Variants in PTH1R observed in about 807,000 individuals in gnomAD.
The protein encoded by PTH1R is parathyroid hormone/parathyroid hormone-related peptide receptor.
PTH1R carries 32 observed loss-of-function variants against 70.7 expected under a neutral mutation model. That is an observed-to-expected ratio of 0.45 (90% CI 0.34 to 0.61). The LOEUF (loss-of-function observed/expected upper bound fraction) is 0.61, where lower values mean the gene tolerates loss of function less well. PTH1R is among the 20% of genes least tolerant of loss of function. The pLI is 0.01. For missense variants in PTH1R, 626 were observed against 792.5 expected, an observed-to-expected ratio of 0.79 and a Z score of 2.52; for synonymous variants, 329 against 324.8, an observed-to-expected ratio of 1.01 and a Z score of -0.14.
chr3:46,902,983 C>T lies in PTH1R; in HGVS notation c.1395+193C>T. The T allele has an allele frequency of 1.0e-6, 1 of 972,930 alleles. No individual in the cohort carries two copies. The highest frequency in any genetic ancestry group is 1.6e-6 in the Non-Finnish European group (1 of 630,666). 60.3% of individuals were successfully genotyped at this position (972,930 alleles called of 1,614,324 possible). On this transcript the variant is annotated intron_variant, in intron 15 of 15. Coordinates refer to ENST00000449590, the MANE Select transcript of PTH1R (RefSeq NM_000316.3). The surrounding 1 kb of genome is among the most constrained non-coding windows in gnomAD (Gnocchi z 5.4). ...GATGTGCTAGGATGTGGGGACTCTT[C>T]AGTCACTGGCATAGCCAAGTGTCTT...
rs979968915 is a variant in PTH1R at position 46,882,854 on chromosome 3, G to A, written c.-48-658G>A. Among the ~76,000 whole-genome samples, 2 of 152,074 alleles carry A rather than the reference G, an allele frequency of 1.3e-5. No homozygotes were observed. Among genetic ancestry groups the A allele is most frequent in the South Asian group, 4.1e-4 (2 of 4,824 alleles). ...GGCCAAGGATGGGGAAGGGGTGCGG[G>A]AGGCGGCTGCCGAGGGTCTGGGATC... On this transcript the variant is annotated intron_variant, in intron 2 of 15. Transcript: ENST00000449590. This position sits in a 1 kb window ranked among gnomAD's most constrained non-coding sequence, Gnocchi z 4.3.
At chr3:46,890,455 A>T (rs2031342110) in intron 3 of PTH1R, among the ~76,000 whole-genome samples, 2 of 149,738 alleles carry the variant, frequency 1.3e-5, no homozygotes, top group Admixed American at 1.3e-4. Flanking sequence ...TCACCCCTGC[A>T]CAGGCTTGTT....
chr3:46,903,100 G>T lies in PTH1R; in HGVS notation c.1396-170G>T. The T allele has an allele frequency of 7.7e-7, 1 of 1,303,100 alleles. No individual in the cohort carries two copies. The highest frequency in any genetic ancestry group is 1.1e-6 in the Non-Finnish European group (1 of 936,116). The allele number at this position is 1,303,100 out of a possible 1,614,324, so 80.7% of individuals were successfully genotyped here. On this transcript the variant is annotated intron_variant, in intron 15 of 15. Transcript: ENST00000449590. This position sits in a 1 kb window ranked among gnomAD's most constrained non-coding sequence, Gnocchi z 4.4. ...AGCCTTGTAGATTCTGGGTGTGTCG[G>T]CTGCCTGTAGCCAAACACCCTGTTG...
chr3:46,902,548 G>C lies in PTH1R; in HGVS notation c.1234G>C (p.Val412Leu). The change falls in exon 14 of 16, where the codon GTG becomes CTG. Residue 412 changes from valine (V) to leucine (L), a missense_variant. By Grantham distance (32) the Val-to-Leu change is conservative. This residue lies in a region of PTH1R where 495 missense variants were observed against 638.7 expected (regional missense o/e 0.77). Coordinates refer to ENST00000449590, the MANE Select transcript of PTH1R (RefSeq NM_000316.3). The surrounding 1 kb of genome is among the most constrained non-coding windows in gnomAD (Gnocchi z 5.4). ...QYRKLLKSTL[V>L]LMPLFGVHYI... ...CAGGAAGCTGCTCAAATCCACGCTG[G>C]TGCTCATGCCCCTCTTTGGCGTCCA... The C allele has an allele frequency of 6.2e-7, 1 of 1,612,570 alleles. No homozygotes were observed. Among genetic ancestry groups the C allele is most frequent in the South Asian group, 1.1e-5 (1 of 90,910 alleles).
At position 46,902,384 on chromosome 3, in the gene PTH1R, G is replaced by A; in HGVS notation, c.1212-142G>A. On this transcript the variant is annotated intron_variant, in intron 13 of 15. Transcript: ENST00000449590. The surrounding 1 kb of genome is among the most constrained non-coding windows in gnomAD (Gnocchi z 5.4). ...TAGCCAGGACAGCAGCCATGCAGGT[G>A]AACTGGGTTGTCCTCCCATGGTGAC... 1 of 1,144,342 alleles carries A rather than the reference G, an allele frequency of 8.7e-7. No homozygotes were observed. The highest frequency in any genetic ancestry group is 1.3e-6 in the Non-Finnish European group (1 of 786,178). 70.9% of individuals were successfully genotyped at this position (1,144,342 alleles called of 1,614,324 possible).
intron 3 of PTH1R, among the ~76,000 whole-genome samples, chr3:46,888,256 A>T (rs1481349776): frequency 6.6e-6 from 1 of 152,160 alleles, no homozygotes; most frequent in African/African-American, 2.4e-5. Flanking sequence ...CCATCATTCT[A>T]TGGGTTATTT....
chr3:46,894,985 G>A (rs2031653632), intron 4 of PTH1R, among the ~76,000 whole-genome samples: 1 of 149,832 alleles, frequency 6.7e-6, no homozygotes, highest in South Asian at 2.1e-4. Flanking sequence ...GATCACTTGA[G>A]CACAGGAATT....
intron 3 of PTH1R, among the ~76,000 whole-genome samples, chr3:46,887,447 CCT>C (rs1344995269): frequency 6.8e-6 from 1 of 147,438 alleles, no homozygotes; most frequent in African/African-American, 2.5e-5. Context: ...AGAGTGAGCC[CCT>C]GTCTCTGAAA....
chr3:46,891,219 T>A lies in PTH1R; in HGVS notation c.76-2688T>A, dbSNP rs2031398974. 1.3e-5 allele frequency among the ~76,000 whole-genome samples: 2 copies of A among 152,226 alleles called. No individual in the cohort carries two copies. The highest frequency in any genetic ancestry group is 4.8e-5 in the African/African-American group (2 of 41,462). ...TGCTGGAAGCACATATCTTTCCCTC[T>A]CCTGAACATCCCAACTCCAGAAAAA... On this transcript the variant is annotated intron_variant, in intron 3 of 15. Transcript: ENST00000449590. This position sits in a 1 kb window ranked among gnomAD's most constrained non-coding sequence, Gnocchi z 4.3.
chr3:46,899,555 C>T, intron 10 of PTH1R, 99 bp downstream of exon 10: 4 of 1,464,030 alleles, frequency 2.7e-6, no homozygotes, highest in Non-Finnish European at 3.7e-6. Context: ...ACAGCACATC[C>T]CGCCCCAAGT....
In PTH1R at chr3:46,903,344, G is replaced by T; in HGVS notation, c.1470G>T (p.Gly490=). 6.2e-7 allele frequency: 1 copy of T among 1,613,728 alleles called. No individual in the cohort carries two copies. Among genetic ancestry groups the T allele is most frequent in the South Asian group, 1.1e-5 (1 of 91,088 alleles). ...ALDFKRKARS[G]SSSYSYGPMV... ...ACTTCAAGCGAAAGGCACGCAGCGG[G>T]AGCAGCAGCTATAGCTACGGCCCCA... Residue 490 remains glycine, a synonymous_variant, in exon 16 of 16, where the codon GGG becomes GGT. Transcript: ENST00000449590. This position sits in a 1 kb window ranked among gnomAD's most constrained non-coding sequence, Gnocchi z 4.4.
chr3:46,898,428 C>G lies in PTH1R; in HGVS notation c.594C>G (p.Ser198=). 1 of 1,613,994 alleles carries G rather than the reference C, an allele frequency of 6.2e-7. No individual in the cohort carries two copies. The highest frequency in any genetic ancestry group is 8.5e-7 in the Non-Finnish European group (1 of 1,180,006). ...GMIYTVGYSV[S]LASLTVAVLI... is the part of the protein sequence containing the mutation. ...TTTACACCGTGGGCTACTCCGTGTC[C>G]CTGGCGTCCCTCACCGTAGCTGTGC... The change falls in exon 8 of 16, where the codon TCC becomes TCG. Residue 198 remains serine (S), a synonymous_variant. Transcript: ENST00000449590.
At chr3:46,899,156 TGA>T in intron 9 of PTH1R, 145 bp from the exon 10 acceptor site, 1 of 1,071,526 alleles carries the variant, frequency 9.3e-7, no homozygotes, top group Non-Finnish European at 1.4e-6. Flanking sequence ...CGCATCCCCC[TGA>T]GAGAGCCCCC....
rs2031569707 is a variant in PTH1R at position 46,893,803 on chromosome 3, A to C, written c.76-104A>C. Reference sequence around the variant, plus strand: ...GAAATCCCACCTTCCCTCTAGAGTCAGGGCCTTTTGAAAGGGGGTAGTCCC... The same window carrying C: ...GAAATCCCACCTTCCCTCTAGAGTCCGGGCCTTTTGAAAGGGGGTAGTCCC... On this transcript the variant is annotated intron_variant, in intron 3 of 15. Transcript: ENST00000449590. This position sits in a 1 kb window ranked among gnomAD's most constrained non-coding sequence, Gnocchi z 5.2. 4 of 1,018,614 alleles carry C rather than the reference A, an allele frequency of 3.9e-6. No homozygotes were observed. In the East Asian group the frequency reaches 1.0e-4, roughly 26 times the overall value. 63.1% of individuals were successfully genotyped at this position (1,018,614 alleles called of 1,614,324 possible).
chr3:46,885,417 C>T (rs2030953672), intron 3 of PTH1R, among the ~76,000 whole-genome samples: 1 of 152,186 alleles, frequency 6.6e-6, no homozygotes, highest in Non-Finnish European at 1.5e-5. Context: ...CTAGTCTAAT[C>T]CTCCCAACCA....
Position 46,883,010 on chromosome 3 carries a change from T to A in PTH1R, c.-48-502T>A, listed in dbSNP as rs926092411. Among the ~76,000 whole-genome samples the A allele has an allele frequency of 6.6e-6, 1 of 150,528 alleles. No homozygotes were observed. The highest frequency in any genetic ancestry group is 2.5e-5 in the African/African-American group (1 of 40,764). On this transcript the variant is annotated intron_variant, in intron 2 of 15. Transcript: ENST00000449590. The surrounding 1 kb of genome is among the most constrained non-coding windows in gnomAD (Gnocchi z 6.4). Reference sequence around the variant, plus strand: ...AACGCGCCCCCTGCCCGGCCCTGACTCCCTACGCCGAAAGTCGCGGAGCTA... The same window carrying A: ...AACGCGCCCCCTGCCCGGCCCTGACACCCTACGCCGAAAGTCGCGGAGCTA...
chr3:46,897,787 T>G (rs1382765133), intron 5 of PTH1R, 68 bp from the exon 6 acceptor site: 4 of 1,345,500 alleles, frequency 3.0e-6, no homozygotes, highest in African/African-American at 2.9e-5. Flanking sequence ...GTATTCATCC[T>G]TCTGGGTCAC....
chr3:46,902,446 G>A lies in PTH1R; in HGVS notation c.1212-80G>A. The A allele has an allele frequency of 1.3e-6, 2 of 1,570,678 alleles. No individual in the cohort carries two copies. Among genetic ancestry groups the A allele is most frequent in the Non-Finnish European group, 1.7e-6 (2 of 1,157,704 alleles). ...GCCCCTTTGAGCTTCCGGAGCCTGG[G>A]GCTCGCAGGGTGGGGGGTGGCACAA... On this transcript the variant is annotated intron_variant, in intron 13 of 15. Transcript: ENST00000449590. This position sits in a 1 kb window ranked among gnomAD's most constrained non-coding sequence, Gnocchi z 5.4.
intron 3 of PTH1R, among the ~76,000 whole-genome samples, chr3:46,889,830 C>T (rs1252469802): frequency 6.6e-6 from 1 of 152,160 alleles, no homozygotes; most frequent in African/African-American, 2.4e-5. Flanking sequence ...ACCCCTGAGA[C>T]CCAAGATCTG....
Sources: allele counts gnomAD v4.1 joint callset (sites outside exome capture counted in the v4.1 genomes callset), GRCh38; gene constraint gnomAD v4.1.1; regional missense constraint gnomAD v4.1.1; non-coding constraint Gnocchi (gnomAD v3.1); transcripts MANE v1.5; gene names NCBI Gene and HGNC (gene_info 2026-07-23, HGNC 2026-07-21).